The following PCDH9 variants were observed in gnomAD, a reference collection of about 807,000 sequenced individuals.
The protein encoded by PCDH9 is protocadherin-9.
PCDH9 carries 24 observed loss-of-function variants against 70.6 expected under a neutral mutation model. That is an observed-to-expected ratio of 0.34 (90% CI 0.25 to 0.48). PCDH9 has a LOEUF of 0.48. Among genes scored for constraint, PCDH9 ranks in the 20% least tolerant of loss-of-function variants. PCDH9 has a pLI of 0.99. For synonymous variants in PCDH9, 562 were observed against 558.5 expected (o/e 1.01, Z -0.09); for missense variants, 1,281 against 1,503.6 (o/e 0.85, Z 2.45).
intron 3 of PCDH9, among the ~76,000 whole-genome samples, chr13:66,734,947 T>C (rs984642442): frequency 1.1e-4 from 16 of 152,212 alleles, no homozygotes; most frequent in Admixed American, 5.2e-4. Context: ...CAAACCTATT[T>C]TGAGGCTGAG....
chr13:67,169,220 T>C (rs1411041930), intron 2 of PCDH9, among the ~76,000 whole-genome samples: 1 of 152,220 alleles, frequency 6.6e-6, no homozygotes, highest in Non-Finnish European at 1.5e-5. Flanking sequence ...AGTGCAAATA[T>C]GAAGCCAGAA....
At chr13:67,066,465 C>T (rs144976457) in intron 2 of PCDH9, among the ~76,000 whole-genome samples, 5,719 of 152,168 alleles carry the variant, frequency 0.038, 181 homozygotes, top group South Asian at 0.11. Flanking sequence ...AACTCCTGAC[C>T]TCAGGTGATT....
At chr13:66,479,339 T>C (rs1958794425) in intron 4 of PCDH9, among the ~76,000 whole-genome samples, 1 of 152,224 alleles carries the variant, frequency 6.6e-6, no homozygotes. Flanking sequence ...CTGCAGCTCA[T>C]GGATCAAGAA....
intron 3 of PCDH9, among the ~76,000 whole-genome samples, chr13:66,769,450 C>G (rs1397172021): frequency 6.6e-6 from 1 of 151,056 alleles, no homozygotes. Flanking sequence ...AAGCGATATC[C>G]TGAAGTTTTC....
intron 3 of PCDH9, among the ~76,000 whole-genome samples, chr13:66,795,708 G>A (rs1387215498): frequency 6.6e-6 from 1 of 152,104 alleles, no homozygotes; most frequent in Non-Finnish European, 1.5e-5. Context: ...TAATAAAAAT[G>A]TTTTGCAAAG....
chr13:67,141,415 TTCTCTCTCTC>T (rs540110973), intron 2 of PCDH9, among the ~76,000 whole-genome samples: 1 of 150,602 alleles, frequency 6.6e-6, no homozygotes, highest in Non-Finnish European at 1.5e-5. Context: ...TAGTAAGATC[TTCTCTCTCTC>T]TCTCTCTCTT....
chr13:66,567,229 A>T (rs868525584), intron 4 of PCDH9, among the ~76,000 whole-genome samples: 1 of 152,100 alleles, frequency 6.6e-6, no homozygotes, highest in Non-Finnish European at 1.5e-5. Flanking sequence ...AATAGAATCT[A>T]CCTATCTGCT....
intron 2 of PCDH9, among the ~76,000 whole-genome samples, chr13:67,082,753 T>C (rs1249883132): frequency 6.6e-6 from 1 of 152,198 alleles, no homozygotes; most frequent in Non-Finnish European, 1.5e-5. Context: ...CCAATCCTTA[T>C]ATGCCAATTG....
intron 3 of PCDH9, among the ~76,000 whole-genome samples, chr13:66,735,207 A>G (rs1305846917): frequency 2.0e-5 from 3 of 152,206 alleles, no homozygotes; most frequent in Admixed American, 6.5e-5. Flanking sequence ...CACATATTCC[A>G]CTACCTTCCT....
chr13:66,409,544 C>T (rs1005315948), intron 4 of PCDH9, among the ~76,000 whole-genome samples: 3 of 146,358 alleles, frequency 2.0e-5, no homozygotes, highest in African/African-American at 7.4e-5. Flanking sequence ...ACAAATTCTC[C>T]GACTTAATAA....
At chr13:66,960,885 A>T (rs941401628) in intron 2 of PCDH9, among the ~76,000 whole-genome samples, 2 of 152,138 alleles carry the variant, frequency 1.3e-5, no homozygotes, top group African/African-American at 2.4e-5. Context: ...TTTTGTTTCT[A>T]TTGAAGGTTA....
chr13:67,026,627 CT>C (rs1295549414), intron 2 of PCDH9, among the ~76,000 whole-genome samples: 1 of 151,992 alleles, frequency 6.6e-6, no homozygotes, highest in East Asian at 1.9e-4. Context: ...TCAAATTGTC[CT>C]TGTTTGCAGA....
At chr13:66,664,928 T>C (rs912275536) in intron 3 of PCDH9, among the ~76,000 whole-genome samples, 1 of 152,074 alleles carries the variant, frequency 6.6e-6, no homozygotes, top group Non-Finnish European at 1.5e-5. Context: ...AAGGCATAGA[T>C]AAAACAGACC....
At chr13:66,471,473 A>T (rs1958618444) in intron 4 of PCDH9, among the ~76,000 whole-genome samples, 1 of 152,212 alleles carries the variant, frequency 6.6e-6, no homozygotes, top group Admixed American at 6.5e-5. Context: ...AATGGATCTC[A>T]ATTTTCTCAG....
At chr13:66,411,125 T>G (rs973429239) in intron 4 of PCDH9, among the ~76,000 whole-genome samples, 2 of 152,252 alleles carry the variant, frequency 1.3e-5, no homozygotes, top group African/African-American at 4.8e-5. Flanking sequence ...AAATAATATT[T>G]TGTACTTCTC....
chr13:66,419,769 T>G (rs1455722896), intron 4 of PCDH9, among the ~76,000 whole-genome samples: 1 of 151,834 alleles, frequency 6.6e-6, no homozygotes, highest in Non-Finnish European at 1.5e-5. Context: ...AGGAGTTTTT[T>G]TTTTTTTTTT....
intron 4 of PCDH9, among the ~76,000 whole-genome samples, chr13:66,429,867 G>A (rs745585241): frequency 5.9e-5 from 9 of 152,020 alleles, no homozygotes; most frequent in Admixed American, 2.0e-4. Context: ...GATCTTGATC[G>A]TACTTAGCAT....
At chr13:66,954,586 T>G (rs2083237962) in intron 2 of PCDH9, among the ~76,000 whole-genome samples, 1 of 152,182 alleles carries the variant, frequency 6.6e-6, no homozygotes, top group Non-Finnish European at 1.5e-5. Context: ...ATACTTGGGT[T>G]CCTTCCATAG....
At chr13:66,428,469 A>C (rs900810555) in intron 4 of PCDH9, among the ~76,000 whole-genome samples, 1 of 151,766 alleles carries the variant, frequency 6.6e-6, no homozygotes, top group Admixed American at 6.6e-5. Flanking sequence ...TAGCATTTAG[A>C]ATCTCCTCAA....
Sources: gnomAD v4.1 joint callset for allele counts (sites outside exome capture counted in the v4.1 genomes callset) on GRCh38, gnomAD v4.1.1 for gene constraint, MANE v1.5 for transcripts, NCBI Gene and HGNC (gene_info 2026-07-23, HGNC 2026-07-21) for gene names.